ABCC12: variants seen among roughly 807,000 people sequenced by gnomAD.
ABCC12 encodes the protein ATP-binding cassette sub-family C member 12.
A neutral mutation model predicts 151.1 loss-of-function variants in ABCC12; 142 were observed. The observed-to-expected ratio is 0.94, with a 90% confidence interval of 0.82 to 1.08. ABCC12 has a LOEUF of 1.08. ABCC12 is among the 50% of genes least tolerant of loss of function. The pLI, the probability that ABCC12 is intolerant of heterozygous loss-of-function variation, is 0.00. For synonymous variants in ABCC12, 645 were observed against 646.4 expected (o/e 1.00, Z 0.03); for missense variants, 1,638 against 1,691.1 (o/e 0.97, Z 0.55).
chr16:48,146,381 C>A lies in ABCC12; in HGVS notation c.44G>T (p.Arg15Leu), dbSNP rs951028927. 6.2e-7 allele frequency: 1 copy of A among 1,614,184 alleles called. No individual in the cohort carries two copies. Residue 15 changes from arginine (R) to leucine (L), a missense_variant, in exon 3 of 31, where the codon CGA (arginine) becomes CTA (leucine). By Grantham distance (102) the Arg-to-Leu change is moderately radical. Transcript: ENST00000311303. ...GPYLISDLDQ[R>L]GRRRSFAERY... The stretch of plus-strand genomic sequence containing the variant: ...TTCTGCAAAGGATCTCCGCCGGCCT[C>A]GCTGGTCCAGATCTGAGATAAGGTA...
intron 12 of ABCC12, 55 bp from the exon 13 acceptor site, chr16:48,121,895 C>T (rs1282329095): frequency 6.2e-7 from 1 of 1,609,030 alleles, no homozygotes; most frequent in Non-Finnish European, 8.5e-7. Context: ...AACTTTTCCT[C>T]AAATGCCCAT....
At chr16:48,085,547 G>T in intron 29 of ABCC12, 46 bp downstream of exon 29, 1 of 1,556,290 alleles carries the variant, frequency 6.4e-7, no homozygotes, top group South Asian at 1.1e-5. Flanking sequence ...GTGGCGCTGC[G>T]GGAAATATCC....
At chr16:48,094,077 A>C (rs1168908469) in intron 24 of ABCC12, among the ~76,000 whole-genome samples, 1 of 152,236 alleles carries the variant, frequency 6.6e-6, no homozygotes, top group Non-Finnish European at 1.5e-5. Flanking sequence ...ATCTCATGGA[A>C]AGCTGATAAT....
intron 2 of ABCC12, among the ~76,000 whole-genome samples, chr16:48,148,705 A>C (rs1965075914): frequency 6.6e-6 from 1 of 151,744 alleles, no homozygotes; most frequent in Non-Finnish European, 1.5e-5. Context: ...GCCATGTGGA[A>C]TATCTTACTA....
intron 22 of ABCC12, among the ~76,000 whole-genome samples, chr16:48,102,686 C>T (rs977966313): frequency 2.0e-5 from 3 of 152,346 alleles, no homozygotes; most frequent in East Asian, 1.9e-4. Flanking sequence ...CATTCCCACA[C>T]CCGCATTTGC....
At chr16:48,101,030 G>T (rs1014088338) in intron 22 of ABCC12, 21 bp from the exon 23 acceptor site, 3 of 1,611,678 alleles carry the variant, frequency 1.9e-6, no homozygotes, top group Admixed American at 1.7e-5. Flanking sequence ...ATTGAAAGGG[G>T]CCAGGTGGGC....
intron 13 of ABCC12, among the ~76,000 whole-genome samples, chr16:48,117,580 C>A (rs1211869718): frequency 6.6e-6 from 1 of 152,158 alleles, no homozygotes; most frequent in Non-Finnish European, 1.5e-5. Context: ...GCAGGGTTTT[C>A]GCCAAGCAGG....
chr16:48,119,444 G>A (rs1963996524), intron 13 of ABCC12, among the ~76,000 whole-genome samples: 1 of 152,226 alleles, frequency 6.6e-6, no homozygotes, highest in Non-Finnish European at 1.5e-5. Context: ...GATGAATAAG[G>A]CAACCCTCTG....
rs200921696 is a variant in ABCC12 at position 48,146,484 on chromosome 16, A to G, written c.-50-10T>C. On this transcript the variant is annotated splice_polypyrimidine_tract_variant and intron_variant, in intron 2 of 30. Transcript: ENST00000311303. Reference sequence around the variant, plus strand: ...TGGGGACACTTTCACTCTATGGCAGAGAAATGGCAAAGGTTATTGAGAGGT... The same window carrying G: ...TGGGGACACTTTCACTCTATGGCAGGGAAATGGCAAAGGTTATTGAGAGGT... 2.2e-3 allele frequency: 2,988 copies of G among 1,359,566 alleles called. 11 individuals carry two copies. Among genetic ancestry groups the G allele is most frequent in the Non-Finnish European group, 2.8e-3 (2,642 of 952,022 alleles). The allele number at this position is 1,359,566 out of a possible 1,614,324, so 84.2% of individuals were successfully genotyped here.
intron 9 of ABCC12, among the ~76,000 whole-genome samples, chr16:48,131,823 A>G (rs1964436922): frequency 6.6e-6 from 1 of 152,184 alleles, no homozygotes; most frequent in Non-Finnish European, 1.5e-5. Context: ...TAAAAGGATA[A>G]TGAAAGATGC....
At chr16:48,146,238 C>T in intron 3 of ABCC12, 68 bp downstream of exon 3, 1 of 1,433,876 alleles carries the variant, frequency 7.0e-7, no homozygotes, top group Non-Finnish European at 9.8e-7. Context: ...GGAGCAGTGC[C>T]CACTCTCCTG....
In ABCC12 at chr16:48,133,876, T is replaced by C. The variant is rs746228792; in HGVS notation, c.980-41A>G. On this transcript the variant is annotated intron_variant, in intron 8 of 30. Coordinates refer to ENST00000311303, the MANE Select transcript of ABCC12 (RefSeq NM_001393797.1). ...CAGTCCAAGGTGGTCTCATTTTGCA[T>C]GTCGAACACTAGCATTATGAAATGT... 38 of 1,610,330 alleles carry C rather than the reference T, an allele frequency of 2.4e-5. No homozygotes were observed. The Admixed American group carries it at 5.7e-4, about 24-fold the overall frequency.
Position 48,132,716 on chromosome 16 carries a change from C to T in ABCC12, c.1128+971G>A, listed in dbSNP as rs28561423. Reference sequence around the variant, plus strand: ...ATCCCAGTTCTCCCTCTAAGGCTTTCAATCCTCATTTGCCTAGCCCAGATG... The same window carrying T: ...ATCCCAGTTCTCCCTCTAAGGCTTTTAATCCTCATTTGCCTAGCCCAGATG... On this transcript the variant is annotated intron_variant, in intron 9 of 30. Transcript: ENST00000311303. Among the ~76,000 whole-genome samples, 794 of 152,328 alleles carry T rather than the reference C, an allele frequency of 5.2e-3. 7 individuals are homozygous for T. Among genetic ancestry groups the T allele is most frequent in the African/African-American group, 0.018 (735 of 41,568 alleles).
At position 48,083,896 on chromosome 16, in the gene ABCC12, G is replaced by C. The variant is rs750114924; in HGVS notation, c.3993+13C>G. On this transcript the variant is annotated intron_variant, in intron 30 of 30. Coordinates refer to ENST00000311303, the MANE Select transcript of ABCC12 (RefSeq NM_001393797.1). ...ACTTTCTGGGGAGGTGAAGCCAAAA[G>C]AGCTTCCTATACCTTCCCATTTTCC... The C allele has an allele frequency of 1.4e-5, 23 of 1,612,492 alleles. No homozygotes were observed. The highest frequency in any genetic ancestry group is 1.9e-5 in the Non-Finnish European group (23 of 1,179,606).
intron 24 of ABCC12, among the ~76,000 whole-genome samples, chr16:48,094,469 C>A (rs1442762996): frequency 6.6e-6 from 1 of 152,074 alleles, no homozygotes; most frequent in Non-Finnish European, 1.5e-5. Context: ...AGAGCAGAAC[C>A]CAGAGAGGCT....
chr16:48,112,916 C>T (rs1364555503), intron 15 of ABCC12, among the ~76,000 whole-genome samples: 1 of 152,040 alleles, frequency 6.6e-6, no homozygotes, highest in Admixed American at 6.6e-5. Context: ...ATTTGAATTC[C>T]CTTCATTTCC....
chr16:48,122,628 G>A (rs1267153210), intron 12 of ABCC12, among the ~76,000 whole-genome samples: 1 of 152,146 alleles, frequency 6.6e-6, no homozygotes, highest in Non-Finnish European at 1.5e-5. Flanking sequence ...GTGGGTCCAG[G>A]GGCAAAGAAG....
At chr16:48,133,178 C>T (rs189112745) in intron 9 of ABCC12, among the ~76,000 whole-genome samples, 247 of 152,286 alleles carry the variant, frequency 1.6e-3, no homozygotes, top group Non-Finnish European at 3.2e-3. Context: ...TGATTAAGAA[C>T]CGCTGCCAGG....
chr16:48,117,324 G>A lies in ABCC12; in HGVS notation c.1722C>T (p.His574=). Residue 574 remains histidine (H), a synonymous_variant, in exon 14 of 31, where the codon CAC becomes CAT. Transcript: ENST00000311303. The part of the protein sequence containing the change: ...GEKYDHQRYQ[H]TVRVCGLQKD... ...TCTGGAGGCCACAGACGCGGACTGT[G>A]TGCTGATACCTGTTGGTGCAAAGCT... is the stretch of plus-strand genomic sequence containing the variant. 1 of 1,613,770 alleles carries A rather than the reference G, an allele frequency of 6.2e-7. No homozygotes were observed. The highest frequency in any genetic ancestry group is 8.5e-7 in the Non-Finnish European group (1 of 1,179,922).
Sources: allele counts gnomAD v4.1 joint callset (sites outside exome capture counted in the v4.1 genomes callset), GRCh38; gene constraint gnomAD v4.1.1; transcripts MANE v1.5; gene names NCBI Gene and HGNC (gene_info 2026-07-23, HGNC 2026-07-21).